NEXN: variants seen among roughly 807,000 people sequenced by gnomAD.
NEXN encodes nexilin F-actin binding protein.
A neutral mutation model predicts 92.6 loss-of-function variants in NEXN; 65 were observed. That is an observed-to-expected ratio of 0.70 (90% CI 0.57 to 0.86). NEXN has a LOEUF of 0.86. NEXN is among the 40% of genes least tolerant of loss of function. The pLI is 0.00. For synonymous variants in NEXN, 254 were observed against 242.5 expected, an observed-to-expected ratio of 1.05 and a Z score of -0.44; for missense variants, 778 against 771.1, an observed-to-expected ratio of 1.01 and a Z score of -0.11.
chr1:77,935,413 C>A (rs1650668399), intron 10 of NEXN, among the ~76,000 whole-genome samples: 1 of 152,154 alleles, frequency 6.6e-6, no homozygotes, highest in Non-Finnish European at 1.5e-5. Flanking sequence ...CTAATCTTGT[C>A]ATGAATATTT....
chr1:77,915,497 C>T (rs928496084), intron 1 of NEXN, among the ~76,000 whole-genome samples: 1 of 150,646 alleles, frequency 6.6e-6, no homozygotes, highest in Admixed American at 6.6e-5. Context: ...GACGTGGCGG[C>T]ACACGCCTGT....
In NEXN at chr1:77,942,838, T is replaced by C. The variant is rs777256879; in HGVS notation, c.*9T>C. On this transcript the variant is annotated 3_prime_UTR_variant, in exon 13 of 13. Coordinates refer to ENST00000334785, the MANE Select transcript of NEXN (RefSeq NM_144573.4). ...TTGAAAGTAAGAATTAATCACTCTTTTTATCTTTTATTCTATTAATTTTTT... is the reference window on the plus strand; with the variant it reads ...TTGAAAGTAAGAATTAATCACTCTTCTTATCTTTTATTCTATTAATTTTTT... 75 of 1,594,506 alleles carry C rather than the reference T, an allele frequency of 4.7e-5. No homozygotes were observed. In the East Asian group the frequency reaches 1.6e-3, roughly 35 times the overall value.
Position 77,936,005 on chromosome 1 carries a change from C to T in NEXN, c.1434C>T (p.Asp478=). 6.2e-7 allele frequency: 1 copy of T among 1,613,702 alleles called. No homozygotes were observed. Among genetic ancestry groups the T allele is most frequent in the Non-Finnish European group, 8.5e-7 (1 of 1,179,912 alleles). Residue 478 remains aspartate, a synonymous_variant, in exon 11 of 13, where the codon GAC becomes GAT. Coordinates refer to ENST00000334785, the MANE Select transcript of NEXN (RefSeq NM_144573.4). Reference sequence around the variant, plus strand: ...AGCGAGCAAGAAGGAGAGCAATTGACCTTGAAATTAAAGAGCGAGAAGCTG... The same window carrying T: ...AGCGAGCAAGAAGGAGAGCAATTGATCTTGAAATTAAAGAGCGAGAAGCTG... ...EEERARRRAI[D]LEIKEREAEN... is the part of the protein sequence containing the mutation.
intron 8 of NEXN, among the ~76,000 whole-genome samples, chr1:77,927,461 A>G (rs912823435): frequency 1.3e-5 from 2 of 152,194 alleles, no homozygotes; most frequent in East Asian, 1.9e-4. Flanking sequence ...GGGACTGATT[A>G]TAAGTGTAAA....
At chr1:77,903,002 G>A (rs1647839721) in intron 1 of NEXN, among the ~76,000 whole-genome samples, 1 of 152,136 alleles carries the variant, frequency 6.6e-6, no homozygotes, top group African/African-American at 2.4e-5. Context: ...AAAATGGAGA[G>A]AAGACAAAGG....
intron 11 of NEXN, among the ~76,000 whole-genome samples, chr1:77,940,598 T>C (rs1264771418): frequency 6.6e-6 from 1 of 152,200 alleles, no homozygotes; most frequent in East Asian, 1.9e-4. Flanking sequence ...AGGCAAGTTA[T>C]TAACTGGGAG....
chr1:77,907,280 A>G (rs572247017), intron 1 of NEXN, among the ~76,000 whole-genome samples: 2 of 152,352 alleles, frequency 1.3e-5, no homozygotes, highest in East Asian at 3.8e-4. Flanking sequence ...ACTGAAATGC[A>G]CTGTTGTTTC....
intron 1 of NEXN, among the ~76,000 whole-genome samples, chr1:77,912,264 T>C (rs932734518): frequency 1.3e-5 from 2 of 152,104 alleles, no homozygotes; most frequent in Non-Finnish European, 2.9e-5. Context: ...GATCTGCACA[T>C]TGAAAACTAC....
chr1:77,891,813 C>G (rs913287176), intron 1 of NEXN, among the ~76,000 whole-genome samples: 22 of 149,804 alleles, frequency 1.5e-4, no homozygotes, highest in Non-Finnish European at 2.7e-4. Flanking sequence ...TGTGGTGGCT[C>G]ATGCCTGTAA....
intron 1 of NEXN, among the ~76,000 whole-genome samples, chr1:77,915,490 G>A (rs772794905): frequency 4.0e-5 from 6 of 151,160 alleles, no homozygotes; most frequent in East Asian, 2.0e-4. Context: ...TTAGCCGGAC[G>A]TGGCGGCACA....
chr1:77,906,681 G>A (rs184983981), intron 1 of NEXN, among the ~76,000 whole-genome samples: 2 of 152,212 alleles, frequency 1.3e-5, no homozygotes, highest in African/African-American at 4.8e-5. Context: ...TTGAGACAGG[G>A]TCTTGCTCTG....
At position 77,942,660 on chromosome 1, in the gene NEXN, A is replaced by T. The variant is rs748404504; in HGVS notation, c.1859A>T (p.Glu620Val). 2 of 1,613,690 alleles carry T rather than the reference A, an allele frequency of 1.2e-6. No homozygotes were observed. The highest frequency in any genetic ancestry group is 1.7e-6 in the Non-Finnish European group (2 of 1,179,756). ...KPEITWWFEG[E>V]ILQDGEDYQY... ...GAAATTACATGGTGGTTTGAAGGAG[A>T]AATACTGCAGGATGGAGAAGACTAT... Residue 620 changes from glutamate (E) to valine (V), a missense_variant, in exon 13 of 13, where the codon GAA (glutamate) becomes GTA (valine). By Grantham distance (121) the Glu-to-Val change is moderately radical. Coordinates refer to ENST00000334785, the MANE Select transcript of NEXN (RefSeq NM_144573.4).
intron 8 of NEXN, among the ~76,000 whole-genome samples, chr1:77,928,491 T>C (rs985948277): frequency 1.3e-5 from 2 of 151,988 alleles, no homozygotes; most frequent in African/African-American, 4.8e-5. Flanking sequence ...ACATTTTAGA[T>C]ATTTCTGGTG....
intron 1 of NEXN, among the ~76,000 whole-genome samples, chr1:77,893,794 A>G (rs1373060642): frequency 6.6e-6 from 1 of 152,002 alleles, no homozygotes; most frequent in African/African-American, 2.4e-5. Flanking sequence ...GAAGGATATC[A>G]AGGCAGGTTG....
At position 77,913,363 on chromosome 1, in the gene NEXN, C is replaced by A. The variant is rs540582742; in HGVS notation, c.-52-2692C>A. ...CCGGGAGGCGGAGGTTGCAGTGAGC[C>A]GAGATCATGCCACTGCTCTCTAGCC... On this transcript the variant is annotated intron_variant, in intron 1 of 12. Coordinates refer to ENST00000334785, the MANE Select transcript of NEXN (RefSeq NM_144573.4). 4.5e-4 allele frequency among the ~76,000 whole-genome samples: 68 copies of A among 150,768 alleles called. 1 individual carries two copies. The highest frequency in any genetic ancestry group is 1.6e-3 in the African/African-American group (67 of 40,960).
At chr1:77,919,057 A>G (rs1649211074) in intron 5 of NEXN, among the ~76,000 whole-genome samples, 1 of 152,224 alleles carries the variant, frequency 6.6e-6, no homozygotes, top group Non-Finnish European at 1.5e-5. Context: ...TTGGCTGAGG[A>G]GTCCTCAGAA....
In NEXN at chr1:77,942,370, TAAAAA is replaced by T. The variant is rs374889046; in HGVS notation, c.1660-84_1660-80del. On this transcript the variant is annotated intron_variant, in intron 12 of 12. Transcript: ENST00000334785. ...TAGGCACACTTGTATGTTCTTTACT[TAAAAA>T]AAAAAATTTCATTTCAAAATTGTTA... The T allele has an allele frequency of 4.3e-5, 55 of 1,267,558 alleles. 1 individual carries two copies. In the South Asian group the frequency reaches 5.9e-4, roughly 14 times the overall value. The allele number at this position is 1,267,558 out of a possible 1,614,324, so 78.5% of individuals were successfully genotyped here. A position where few individuals can be genotyped will look rare whatever the true frequency, so the allele number is the denominator to read the frequency against.
intron 10 of NEXN, 86 bp downstream of exon 10, chr1:77,933,565 T>G: frequency 9.9e-7 from 1 of 1,008,792 alleles, no homozygotes; most frequent in Non-Finnish European, 1.5e-6. Flanking sequence ...TTTGTATTAT[T>G]ATTCACCTTT....
intron 10 of NEXN, among the ~76,000 whole-genome samples, chr1:77,934,027 T>TTTTTTTTTTA: frequency 6.7e-6 from 1 of 149,154 alleles, no homozygotes. Flanking sequence ...TTTTTTTTTT[T>TTTTTTTTTTA]GAGATGGAGT....
Sources: allele counts gnomAD v4.1 joint callset (sites outside exome capture counted in the v4.1 genomes callset), GRCh38; gene constraint gnomAD v4.1.1; transcripts MANE v1.5; gene names NCBI Gene and HGNC (gene_info 2026-07-23, HGNC 2026-07-21).